SIRT5: variants seen among roughly 807,000 people sequenced by gnomAD.
SIRT5 encodes sirtuin 5, also known as NAD-dependent protein deacylase sirtuin-5, mitochondrial.
Under a neutral mutation model 40.0 loss-of-function variants are expected in SIRT5, and 26 were observed. The ratio of observed to expected loss-of-function variants is 0.65; its 90% CI spans 0.48 to 0.90. The LOEUF (loss-of-function observed/expected upper bound fraction) is 0.90, where lower values mean the gene tolerates loss of function less well. SIRT5 is among the 40% of genes least tolerant of loss of function. The probability of loss-of-function intolerance (pLI) is 0.00; values close to 1 mark genes in which losing one functional copy is unlikely to be tolerated. For synonymous variants in SIRT5, 146 were observed against 149.1 expected (o/e 0.98, Z 0.15); for missense variants, 401 against 402.4 (o/e 1.00, Z 0.03).
rs201564522 is a variant in SIRT5, at chr6:13,611,942, G to A, written c.*77G>A. 9 of 1,375,826 alleles carry A rather than the reference G, an allele frequency of 6.5e-6. No homozygotes were observed. Among genetic ancestry groups the A allele is most frequent in the Non-Finnish European group, 9.3e-6 (9 of 968,240 alleles). The allele number at this position is 1,375,826 out of a possible 1,614,324, so 85.2% of individuals were successfully genotyped here. On this transcript the variant is annotated 3_prime_UTR_variant, in exon 10 of 10. Transcript: ENST00000606117. ...CAGAGGAGAAATGGTCTTATGGGTGGTGAGCTGAGTACTGAACAATCTAAA... is the reference window on the plus strand; with the variant it reads ...CAGAGGAGAAATGGTCTTATGGGTGATGAGCTGAGTACTGAACAATCTAAA...
chr6:13,589,906 C>T (rs1299214436), intron 4 of SIRT5, among the ~76,000 whole-genome samples: 1 of 152,164 alleles, frequency 6.6e-6, no homozygotes, highest in African/African-American at 2.4e-5. Context: ...GACTCCAACA[C>T]CCTTCCAGGG....
At chr6:13,590,322 G>C (rs1322180188) in intron 4 of SIRT5, among the ~76,000 whole-genome samples, 1 of 151,966 alleles carries the variant, frequency 6.6e-6, no homozygotes, top group Non-Finnish European at 1.5e-5. Context: ...ACCCCTACTC[G>C]GCTCCTTTAC....
intron 5 of SIRT5, among the ~76,000 whole-genome samples, chr6:13,594,266 A>G (rs1357422836): frequency 6.6e-6 from 1 of 152,224 alleles, no homozygotes; most frequent in Non-Finnish European, 1.5e-5. Context: ...TCATCTGGCC[A>G]GTAGCAATTG....
chr6:13,602,559 T>C (rs1486388685), intron 9 of SIRT5, among the ~76,000 whole-genome samples: 1 of 149,578 alleles, frequency 6.7e-6, no homozygotes, highest in Non-Finnish European at 1.5e-5. Context: ...GGCACTGGCA[T>C]AGGATAGATA....
At chr6:13,588,540 G>T (rs908899438) in intron 4 of SIRT5, 76 bp downstream of exon 4, 37 of 1,494,360 alleles carry the variant, frequency 2.5e-5, no homozygotes, top group Non-Finnish European at 3.3e-5. Context: ...ATCCTATACC[G>T]ATCCCCGAAA....
At chr6:13,609,416 T>C (rs1763552017) in intron 9 of SIRT5, among the ~76,000 whole-genome samples, 1 of 152,166 alleles carries the variant, frequency 6.6e-6, no homozygotes, top group Admixed American at 6.5e-5. Context: ...GAAGTAGTTT[T>C]TGATAGACTC....
At chr6:13,580,781 A>G (rs949824389) in intron 2 of SIRT5, among the ~76,000 whole-genome samples, 2 of 151,504 alleles carry the variant, frequency 1.3e-5, no homozygotes, top group Non-Finnish European at 2.9e-5. Flanking sequence ...TGATCCTCCT[A>G]CCTCAGCCTC....
At chr6:13,601,775 T>C (rs1762421572) in intron 9 of SIRT5, among the ~76,000 whole-genome samples, 1 of 152,006 alleles carries the variant, frequency 6.6e-6, no homozygotes, top group African/African-American at 2.4e-5. Flanking sequence ...TTTGATAAGC[T>C]TCCTAGGTGA....
At chr6:13,596,254 T>G (rs915055239) in intron 6 of SIRT5, among the ~76,000 whole-genome samples, 3 of 152,176 alleles carry the variant, frequency 2.0e-5, no homozygotes, top group Admixed American at 2.0e-4. Context: ...ATTATGAACA[T>G]GTACTATTAT....
rs116003288 is a variant in SIRT5 at position 13,575,527 on chromosome 6, T to G, written c.-195+783T>G. ...TATCCTTAGCATGTATTTTGTTTTA[T>G]ATAAATATATATTTATATAATTATT... On this transcript the variant is annotated intron_variant, in intron 1 of 9. Transcript: ENST00000606117. 7.9e-3 allele frequency among the ~76,000 whole-genome samples: 1,205 copies of G among 151,768 alleles called. 11 individuals carry two copies. The highest frequency in any genetic ancestry group is 0.027 in the African/African-American group (1,119 of 41,458).
intron 9 of SIRT5, among the ~76,000 whole-genome samples, chr6:13,602,810 G>T (rs576097551): frequency 6.6e-6 from 1 of 152,130 alleles, no homozygotes; most frequent in Non-Finnish European, 1.5e-5. Flanking sequence ...AAATGTAAGA[G>T]CTAAAAGTAT....
intron 4 of SIRT5, among the ~76,000 whole-genome samples, chr6:13,590,427 CTG>C (rs1410902142): frequency 6.6e-6 from 1 of 151,900 alleles, no homozygotes; most frequent in Non-Finnish European, 1.5e-5. Flanking sequence ...TTATGTGTAG[CTG>C]TGTGTGTTTA....
At chr6:13,603,579 G>C (rs2127714888) in intron 9 of SIRT5, among the ~76,000 whole-genome samples, 1 of 152,304 alleles carries the variant, frequency 6.6e-6, no homozygotes, top group Non-Finnish European at 1.5e-5. Context: ...CACAAGTGTT[G>C]GTGAGGAAAT....
rs1182118995 is a variant in SIRT5, at chr6:13,615,069, C to G, written c.*3204C>G. On this transcript the variant is annotated 3_prime_UTR_variant, in exon 10 of 10. Coordinates refer to ENST00000606117, the MANE Select transcript of SIRT5 (RefSeq NM_012241.5). ...GCCAGCCCTGTCTCGCCATCCCAGC[C>G]GAGGAGGGCAGCGCGATGGCTCTTC... The G allele has an allele frequency of 2.5e-6, 1 of 392,392 alleles. No individual in the cohort carries two copies. Among genetic ancestry groups the G allele is most frequent in the Non-Finnish European group, 4.6e-6 (1 of 218,724 alleles). 24.3% of individuals were successfully genotyped at this position (392,392 alleles called of 1,614,324 possible). A position where few individuals can be genotyped will look rare whatever the true frequency, so the allele number is the denominator to read the frequency against.
At chr6:13,585,527 A>T (rs1759958439) in intron 3 of SIRT5, among the ~76,000 whole-genome samples, 1 of 152,176 alleles carries the variant, frequency 6.6e-6, no homozygotes. Flanking sequence ...TTTTCTGAGA[A>T]TGATGGTTTC....
At chr6:13,604,926 C>T in intron 9 of SIRT5, 1 of 995,878 alleles carries the variant, frequency 1.0e-6, no homozygotes, top group Non-Finnish European at 1.2e-6. Flanking sequence ...AGACTGACCA[C>T]AAGAACTGTC....
intron 9 of SIRT5, chr6:13,604,391 T>C: frequency 1.2e-6 from 1 of 866,280 alleles, no homozygotes; most frequent in South Asian, 1.4e-5. Context: ...ATCAGAAAAC[T>C]CGAAGAGTGG....
At chr6:13,592,173 C>A (rs980382910) in intron 5 of SIRT5, among the ~76,000 whole-genome samples, 1 of 152,188 alleles carries the variant, frequency 6.6e-6, no homozygotes, top group Admixed American at 6.5e-5. Flanking sequence ...CATTTGGCGT[C>A]CCCCAAGAAC....
chr6:13,598,998 G>A (rs1288884041), intron 7 of SIRT5, 34 bp from the exon 8 acceptor site: 1 of 1,610,432 alleles, frequency 6.2e-7, no homozygotes, highest in Non-Finnish European at 8.5e-7. Context: ...GGCAGACTTG[G>A]CTCGGGGTTG....
Sources: allele counts gnomAD v4.1 joint callset (sites outside exome capture counted in the v4.1 genomes callset), GRCh38; gene constraint gnomAD v4.1.1; transcripts MANE v1.5; gene names NCBI Gene and HGNC (gene_info 2026-07-23, HGNC 2026-07-21).